The following PLCB1 variants were observed in gnomAD, a reference collection of about 807,000 sequenced individuals.
PLCB1 encodes the protein phospholipase C beta 1, also known as 1-phosphatidylinositol 4,5-bisphosphate phosphodiesterase beta-1.
Under a neutral mutation model 161.8 loss-of-function variants are expected in PLCB1, and 46 were observed. That is an observed-to-expected ratio of 0.28 (90% CI 0.22 to 0.36). The LOEUF is 0.36. Ranked by LOEUF, PLCB1 falls within the 10% of genes least tolerant of loss-of-function variation. The probability of loss-of-function intolerance (pLI) is 1.00; values close to 1 mark genes in which losing one functional copy is unlikely to be tolerated. For synonymous variants in PLCB1, 517 were observed against 503.7 expected (o/e 1.03, Z -0.35); for missense variants, 1,016 against 1,472.5 (o/e 0.69, Z 5.07).
At chr20:8,856,525 G>A (rs1206681319) in intron 31 of PLCB1, among the ~76,000 whole-genome samples, 1 of 152,102 alleles carries the variant, frequency 6.6e-6, no homozygotes, top group Non-Finnish European at 1.5e-5. Flanking sequence ...GCTGAGGCAT[G>A]AGAATTGCTT....
chr20:8,199,182 G>A (rs6039087), intron 2 of PLCB1, among the ~76,000 whole-genome samples: 3,863 of 152,032 alleles, frequency 0.025, 183 homozygotes, highest in African/African-American at 0.088. Context: ...TTAAAGGCTG[G>A]ACAGTAGCCC....
At chr20:8,595,316 G>T (rs957809369) in intron 3 of PLCB1, among the ~76,000 whole-genome samples, 1 of 142,550 alleles carries the variant, frequency 7.0e-6, no homozygotes, top group African/African-American at 2.6e-5. Flanking sequence ...TGATCTCATT[G>T]TTCAATTCCC....
chr20:8,874,006 T>C (rs1428184862), intron 31 of PLCB1, among the ~76,000 whole-genome samples: 1 of 152,060 alleles, frequency 6.6e-6, no homozygotes, highest in East Asian at 1.9e-4. Flanking sequence ...AGGAATTAAA[T>C]TTTAAATATA....
chr20:8,327,368 G>A (rs1985199696), intron 2 of PLCB1, among the ~76,000 whole-genome samples: 1 of 152,156 alleles, frequency 6.6e-6, no homozygotes, highest in Non-Finnish European at 1.5e-5. Flanking sequence ...GAAGAAAGTG[G>A]GAGGAAATTT....
chr20:8,390,771 A>G (rs73090208), intron 3 of PLCB1, among the ~76,000 whole-genome samples: 1,950 of 152,214 alleles, frequency 0.013, 17 homozygotes, highest in South Asian at 0.021. Flanking sequence ...GTGTATTGCA[A>G]GTGCCTATAA....
intron 2 of PLCB1, among the ~76,000 whole-genome samples, chr20:8,238,077 T>C (rs1485129348): frequency 6.6e-6 from 1 of 152,106 alleles, no homozygotes; most frequent in East Asian, 1.9e-4. Context: ...ATGTGAGTTA[T>C]GCACTCATGG....
At chr20:8,480,875 G>C (rs553904844) in intron 3 of PLCB1, among the ~76,000 whole-genome samples, 2 of 150,952 alleles carry the variant, frequency 1.3e-5, no homozygotes, top group East Asian at 4.0e-4. Flanking sequence ...AGGCTGAGGC[G>C]GGCTGATCAC....
At chr20:8,635,160 C>T (rs972151917) in intron 4 of PLCB1, among the ~76,000 whole-genome samples, 2 of 151,982 alleles carry the variant, frequency 1.3e-5, no homozygotes, top group African/African-American at 2.4e-5. Flanking sequence ...CCTGTATTTG[C>T]GAGCTGATGA....
intron 27 of PLCB1, among the ~76,000 whole-genome samples, chr20:8,785,612 G>A (rs889912235): frequency 6.6e-6 from 1 of 152,164 alleles, no homozygotes; most frequent in African/African-American, 2.4e-5. Flanking sequence ...GAGGCAAAAG[G>A]ACGTGGCAGA....
At chr20:8,307,687 G>A (rs1984194161) in intron 2 of PLCB1, among the ~76,000 whole-genome samples, 1 of 152,148 alleles carries the variant, frequency 6.6e-6, no homozygotes, top group South Asian at 2.1e-4. Context: ...TTGGGAGGCC[G>A]AGGTGGGTGG....
chr20:8,342,058 G>A (rs965688997), intron 2 of PLCB1, among the ~76,000 whole-genome samples: 1 of 152,118 alleles, frequency 6.6e-6, no homozygotes, highest in Non-Finnish European at 1.5e-5. Flanking sequence ...GAGAGATTTG[G>A]TGAGACAGAA....
chr20:8,136,356 G>T (rs1214207738), intron 1 of PLCB1, among the ~76,000 whole-genome samples: 2 of 152,322 alleles, frequency 1.3e-5, no homozygotes, highest in East Asian at 3.9e-4. Context: ...GCCGGGCGCG[G>T]TGGCTCAAGC....
chr20:8,704,380 A>G (rs1406788190), intron 11 of PLCB1, among the ~76,000 whole-genome samples: 1 of 152,090 alleles, frequency 6.6e-6, no homozygotes, highest in African/African-American at 2.4e-5. Flanking sequence ...AAGAAAAGTT[A>G]GCAAAGACTA....
rs1019471352 is a variant in PLCB1, at chr20:8,426,095, T to C, written c.246+54645T>C. Reference sequence around the variant, plus strand: ...AAGGAACATGGGAAGCACTGCTTCATTTCTGCCTGGAAAAGCCAGGGACAC... The same window carrying C: ...AAGGAACATGGGAAGCACTGCTTCACTTCTGCCTGGAAAAGCCAGGGACAC... On this transcript the variant is annotated intron_variant, in intron 3 of 31. Transcript: ENST00000338037. Among the ~76,000 whole-genome samples the C allele has an allele frequency of 3.3e-5, 5 of 152,180 alleles. No homozygotes were observed. In the East Asian group the frequency reaches 9.6e-4, roughly 29 times the overall value.
intron 2 of PLCB1, among the ~76,000 whole-genome samples, chr20:8,359,466 A>G (rs922697222): frequency 6.6e-6 from 1 of 152,190 alleles, no homozygotes; most frequent in Non-Finnish European, 1.5e-5. Context: ...CTTTTTAGCT[A>G]TGGGTATGAC....
intron 3 of PLCB1, among the ~76,000 whole-genome samples, chr20:8,483,719 AT>A (rs963632130): frequency 5.4e-4 from 82 of 152,310 alleles, no homozygotes; most frequent in African/African-American, 1.9e-3. Flanking sequence ...ATTCTTCTAG[AT>A]TAAAAAAAAT....
At chr20:8,157,115 G>A (rs2051570726) in intron 2 of PLCB1, among the ~76,000 whole-genome samples, 1 of 152,168 alleles carries the variant, frequency 6.6e-6, no homozygotes, top group African/African-American at 2.4e-5. Context: ...TCATAATGTT[G>A]TGGGAACAGA....
Position 8,201,376 on chromosome 20 carries a change from G to A in PLCB1, c.177+51005G>A, listed in dbSNP as rs189527668. Among the ~76,000 whole-genome samples the A allele has an allele frequency of 3.5e-3, 529 of 152,022 alleles. 2 individuals carry two copies. The highest frequency in any genetic ancestry group is 6.8e-3 in the Middle Eastern group (2 of 294). ...ACTTAGAATTGGCCTCTCCATGTAT[G>A]TAATCAAAATAGGGTTATACAATTC... On this transcript the variant is annotated intron_variant, in intron 2 of 31. Transcript: ENST00000338037.
chr20:8,315,260 G>A (rs536187052), intron 2 of PLCB1, among the ~76,000 whole-genome samples: 2 of 152,310 alleles, frequency 1.3e-5, no homozygotes, highest in East Asian at 1.9e-4. Flanking sequence ...AAAGGGTGAA[G>A]CAATTGCATG....
Sources: allele counts gnomAD v4.1 joint callset (sites outside exome capture counted in the v4.1 genomes callset), GRCh38; gene constraint gnomAD v4.1.1; transcripts MANE v1.5; gene names NCBI Gene and HGNC (gene_info 2026-07-23, HGNC 2026-07-21).